Variants in ZNF277 observed in about 807,000 individuals in gnomAD.
ZNF277 encodes zinc finger protein 277, also known as nuclear receptor-interacting factor 4.
A neutral mutation model predicts 60.7 loss-of-function variants in ZNF277; 55 were observed. The observed-to-expected ratio is 0.91, with a 90% CI of 0.73 to 1.13. The LOEUF is 1.13. ZNF277 is among the 50% of genes most tolerant of loss of function. ZNF277 has a pLI of 0.00. For missense variants in ZNF277, 510 were observed against 523.0 expected, an observed-to-expected ratio of 0.98 and a Z score of 0.24; for synonymous variants, 178 against 179.3, an observed-to-expected ratio of 0.99 and a Z score of 0.06.
intron 5 of ZNF277, among the ~76,000 whole-genome samples, chr7:112,319,989 A>G (rs1322081283): frequency 1.3e-5 from 2 of 152,076 alleles, no homozygotes; most frequent in Non-Finnish European, 2.9e-5. Context: ...TTTTATGTTG[A>G]GGTAATTATT....
rs376812619 is a variant in ZNF277 at position 112,240,961 on chromosome 7, A to G, written c.91+34154A>G. Among the ~76,000 whole-genome samples the G allele has an allele frequency of 3.3e-5, 5 of 152,148 alleles. No homozygotes were observed. In the East Asian group the frequency reaches 5.8e-4, roughly 18 times the overall value. On this transcript the variant is annotated intron_variant, in intron 1 of 11. Coordinates refer to ENST00000361822, the MANE Select transcript of ZNF277 (RefSeq NM_021994.3). The stretch of plus-strand genomic sequence containing the variant: ...TGGTCTGGGCAAAGATTTTTTTAGT[A>G]TATCCCAAAAGCTCAGGCAACCAAA...
intron 1 of ZNF277, among the ~76,000 whole-genome samples, chr7:112,244,312 C>T (rs775464793): frequency 2.6e-5 from 4 of 152,120 alleles, no homozygotes; most frequent in Non-Finnish European, 5.9e-5. Context: ...AATAGTCTTT[C>T]TGTGCAAATA....
rs532533768 is a variant in ZNF277, at chr7:112,239,183, G to C, written c.91+32376G>C. 2.6e-5 allele frequency among the ~76,000 whole-genome samples: 4 copies of C among 152,076 alleles called. 1 individual carries two copies. The South Asian group carries it at 8.3e-4, about 32-fold the overall frequency. On this transcript the variant is annotated intron_variant, in intron 1 of 11. Coordinates refer to ENST00000361822, the MANE Select transcript of ZNF277 (RefSeq NM_021994.3). ...AGGAAAGGAGAGGGAAGAGTAAAAAGACTTTCTCTTGCAACTTGGGTACCA... is the reference window on the plus strand; with the variant it reads ...AGGAAAGGAGAGGGAAGAGTAAAAACACTTTCTCTTGCAACTTGGGTACCA...
At chr7:112,276,094 G>A (rs114001244) in intron 1 of ZNF277, among the ~76,000 whole-genome samples, 2 of 152,178 alleles carry the variant, frequency 1.3e-5, no homozygotes, top group African/African-American at 4.8e-5. Flanking sequence ...CTACCAGATG[G>A]TTTGTTGCTG....
chr7:112,239,144 A>G (rs1489261058), intron 1 of ZNF277, among the ~76,000 whole-genome samples: 1 of 152,064 alleles, frequency 6.6e-6, no homozygotes, highest in East Asian at 1.9e-4. Flanking sequence ...TCCACAGAGA[A>G]AGACTCCTTC....
At chr7:112,307,360 G>C (rs1163531696) in intron 4 of ZNF277, among the ~76,000 whole-genome samples, 1 of 151,958 alleles carries the variant, frequency 6.6e-6, no homozygotes, top group Non-Finnish European at 1.5e-5. Context: ...AATTCAGTTT[G>C]TCTAGTTGCC....
chr7:112,330,308 TG>T, intron 7 of ZNF277, 92 bp downstream of exon 7: 1 of 1,332,934 alleles, frequency 7.5e-7, no homozygotes, highest in Non-Finnish European at 1.1e-6. Context: ...AAGCAATTAT[TG>T]CAAAAGTCAA....
intron 1 of ZNF277, among the ~76,000 whole-genome samples, chr7:112,244,267 A>T (rs1232771749): frequency 1.3e-5 from 2 of 152,168 alleles, no homozygotes; most frequent in Admixed American, 6.5e-5. Context: ...GTACTCACTA[A>T]ATATATTTTT....
intron 9 of ZNF277, among the ~76,000 whole-genome samples, chr7:112,338,427 C>T (rs1328498335): frequency 2.0e-5 from 3 of 152,014 alleles, no homozygotes; most frequent in Admixed American, 6.6e-5. Context: ...CTGCACAAGG[C>T]GGATAGGGAA....
intron 1 of ZNF277, among the ~76,000 whole-genome samples, chr7:112,240,081 A>C (rs1406699352): frequency 3.9e-5 from 6 of 152,216 alleles, no homozygotes; most frequent in Non-Finnish European, 8.8e-5. Flanking sequence ...GCCTCATGAT[A>C]ATCTCAAATC....
chr7:112,243,441 G>A (rs1427503423), intron 1 of ZNF277, among the ~76,000 whole-genome samples: 7 of 148,076 alleles, frequency 4.7e-5, no homozygotes, highest in Admixed American at 1.4e-4. Flanking sequence ...TCTGACAAAG[G>A]ACTAATACCA....
intron 1 of ZNF277, among the ~76,000 whole-genome samples, chr7:112,212,803 C>A (rs988990110): frequency 5.9e-5 from 9 of 152,098 alleles, no homozygotes; most frequent in African/African-American, 1.9e-4. Flanking sequence ...CTCTGCAAGC[C>A]TTTATATTAT....
At chr7:112,242,933 T>C (rs1369520576) in intron 1 of ZNF277, among the ~76,000 whole-genome samples, 1 of 151,848 alleles carries the variant, frequency 6.6e-6, no homozygotes, top group Non-Finnish European at 1.5e-5. Flanking sequence ...GCAAGGCTAC[T>C]AAGCAGTAAC....
intron 1 of ZNF277, among the ~76,000 whole-genome samples, chr7:112,260,745 G>T (rs1177241507): frequency 6.6e-6 from 1 of 152,182 alleles, no homozygotes; most frequent in Non-Finnish European, 1.5e-5. Flanking sequence ...AAATGGGAAT[G>T]AAATCAGGAG....
chr7:112,321,156 C>A (rs1187481485), intron 5 of ZNF277, among the ~76,000 whole-genome samples: 1 of 151,668 alleles, frequency 6.6e-6, no homozygotes, highest in Non-Finnish European at 1.5e-5. Flanking sequence ...CTCCTGACCT[C>A]GTGATCCCCC....
chr7:112,246,910 G>A (rs1011060610), intron 1 of ZNF277, among the ~76,000 whole-genome samples: 1 of 151,862 alleles, frequency 6.6e-6, no homozygotes, highest in Non-Finnish European at 1.5e-5. Context: ...TTAATTATTA[G>A]GCCCCAGAGA....
At chr7:112,306,470 C>T (rs1233126262) in intron 4 of ZNF277, among the ~76,000 whole-genome samples, 1 of 152,102 alleles carries the variant, frequency 6.6e-6, no homozygotes, top group African/African-American at 2.4e-5. Flanking sequence ...CCGCCTCGGC[C>T]TCCCAAAGTG....
chr7:112,206,935 A>AGAG, intron 1 of ZNF277, 128 bp downstream of exon 1: 1 of 878,790 alleles, frequency 1.1e-6, no homozygotes, highest in Non-Finnish European at 1.7e-6. Flanking sequence ...ACTGGGCCCC[A>AGAG]CGGGTGGTGG....
intron 2 of ZNF277, chr7:112,288,880 A>G (rs538353971): frequency 1.3e-5 from 2 of 148,812 alleles, no homozygotes; most frequent in South Asian, 4.3e-4. Flanking sequence ...GTAGGAGAAC[A>G]TAGGGTAGTC....
Sources: gnomAD v4.1 joint callset for allele counts (sites outside exome capture counted in the v4.1 genomes callset) on GRCh38, gnomAD v4.1.1 for gene constraint, MANE v1.5 for transcripts, NCBI Gene and HGNC (gene_info 2026-07-23, HGNC 2026-07-21) for gene names.